RSF1: variants seen among roughly 807,000 people sequenced by gnomAD.
RSF1 encodes the protein HBV pX-associated protein 8.
RSF1 carries 13 observed loss-of-function variants against 145.2 expected under a neutral mutation model. The ratio of observed to expected loss-of-function variants is 0.09; its 90% CI spans 0.06 to 0.14. The LOEUF is 0.14. Ranked by LOEUF, RSF1 falls within the 10% of genes least tolerant of loss-of-function variation. The probability of loss-of-function intolerance (pLI) is 1.00; values close to 1 mark genes in which losing one functional copy is unlikely to be tolerated. For synonymous variants in RSF1, 577 were observed against 592.6 expected, an observed-to-expected ratio of 0.97 and a Z score of 0.38; for missense variants, 1,517 against 1,718.2, an observed-to-expected ratio of 0.88 and a Z score of 2.07.
At chr11:77,785,590 CA>C (rs202199590) in intron 1 of RSF1, among the ~76,000 whole-genome samples, 12 of 137,556 alleles carry the variant, frequency 8.7e-5, no homozygotes, top group African/African-American at 8.1e-5. Context: ...AACTCCATCT[CA>C]AAAAAAAAAG....
the RSF1 span, among the ~76,000 whole-genome samples, chr11:77,864,186 CAA>C: frequency 6.6e-6 from 1 of 152,152 alleles, no homozygotes; most frequent in Non-Finnish European, 1.5e-5. Flanking sequence ...CTCAGCCTCC[CAA>C]AGTGTTGGGA....
the RSF1 span, chr11:77,869,893 C>T: frequency 7.2e-7 from 1 of 1,390,346 alleles, no homozygotes; most frequent in East Asian, 2.3e-5. Flanking sequence ...ACTTGTCCTT[C>T]TTGGGAGGTC....
intron 5 of RSF1, among the ~76,000 whole-genome samples, chr11:77,721,297 C>T (rs1590849809): frequency 1.3e-5 from 2 of 152,190 alleles, no homozygotes; most frequent in Admixed American, 1.3e-4. Flanking sequence ...GATCCCCCAA[C>T]ACAGCCCAAG....
intron 4 of RSF1, among the ~76,000 whole-genome samples, chr11:77,731,832 A>C (rs925355366): frequency 6.6e-6 from 1 of 152,234 alleles, no homozygotes; most frequent in Non-Finnish European, 1.5e-5. Context: ...AGATGTATGG[A>C]AACACCTGGA....
At chr11:77,725,966 T>C (rs113853953) in intron 4 of RSF1, among the ~76,000 whole-genome samples, 4 of 152,198 alleles carry the variant, frequency 2.6e-5, no homozygotes, top group South Asian at 4.1e-4. Flanking sequence ...AAAAGAAAAG[T>C]AGGAACAAAA....
At chr11:77,699,219 G>C (rs1960354189) in intron 6 of RSF1, among the ~76,000 whole-genome samples, 1 of 152,082 alleles carries the variant, frequency 6.6e-6, no homozygotes. Flanking sequence ...CTGTATTAGA[G>C]ATAAATTTTA....
chr11:77,794,957 TA>T (rs1948556712), intron 1 of RSF1, among the ~76,000 whole-genome samples: 1 of 152,250 alleles, frequency 6.6e-6, no homozygotes, highest in Admixed American at 6.5e-5. Context: ...TAGAAAAACC[TA>T]AAGATTTTAC....
chr11:77,748,483 T>C (rs1426375434), intron 2 of RSF1, among the ~76,000 whole-genome samples: 2 of 152,042 alleles, frequency 1.3e-5, no homozygotes, highest in Non-Finnish European at 2.9e-5. Context: ...GAGTTTCCCA[T>C]TCCCTAGAAT....
At chr11:77,728,422 T>G (rs1961110077) in intron 4 of RSF1, among the ~76,000 whole-genome samples, 1 of 151,574 alleles carries the variant, frequency 6.6e-6, no homozygotes, top group Admixed American at 6.6e-5. Flanking sequence ...ACACCTGTAA[T>G]CCCAGCACTT....
At chr11:77,804,804 G>A (rs951300846) in intron 1 of RSF1, among the ~76,000 whole-genome samples, 4 of 152,110 alleles carry the variant, frequency 2.6e-5, no homozygotes, top group Admixed American at 2.0e-4. Flanking sequence ...TACTCCAGCC[G>A]GGGTAACAGA....
chr11:77,693,709 C>T (rs556110418), intron 7 of RSF1, 98 bp from the exon 8 acceptor site: 82 of 583,950 alleles, frequency 1.4e-4, no homozygotes, highest in Non-Finnish European at 2.1e-4. Flanking sequence ...TACTGCAAAG[C>T]ACTCTATTTG....
At chr11:77,870,370 T>A in the RSF1 span, among the ~76,000 whole-genome samples, 17,537 of 143,512 alleles carry the variant, frequency 0.12, 1,259 homozygotes, top group Admixed American at 0.18. Flanking sequence ...CGGAGTCTTG[T>A]TCTGTCGCCC....
At chr11:77,822,414 C>CAAAAAAAA (rs66463325), upstream of RSF1, among the ~76,000 whole-genome samples, 3 of 74,770 alleles carry the variant, frequency 4.0e-5, no homozygotes, top group East Asian at 3.6e-4. Flanking sequence ...GACTCCACCT[C>CAAAAAAAA]AAAAAAAAAA....
At chr11:77,809,504 G>A (rs1379919637) in intron 1 of RSF1, among the ~76,000 whole-genome samples, 2 of 152,096 alleles carry the variant, frequency 1.3e-5, no homozygotes, top group African/African-American at 2.4e-5. Context: ...ATACAACTAG[G>A]TAATAATAGA....
chr11:77,698,415 A>G, intron 7 of RSF1, 72 bp downstream of exon 7: 1 of 1,200,698 alleles, frequency 8.3e-7, no homozygotes, highest in Non-Finnish European at 1.2e-6. Context: ...AAAACCCAGA[A>G]GAGTTAGGCT....
At chr11:77,761,373 T>C (rs1948170065) in intron 2 of RSF1, among the ~76,000 whole-genome samples, 1 of 152,196 alleles carries the variant, frequency 6.6e-6, no homozygotes, top group South Asian at 2.1e-4. Context: ...CATTCAATGT[T>C]ACAGTATTTC....
intron 15 of RSF1, among the ~76,000 whole-genome samples, chr11:77,671,267 A>G (rs1204816731): frequency 6.8e-6 from 1 of 147,718 alleles, no homozygotes; most frequent in Non-Finnish European, 1.5e-5. Flanking sequence ...TAAGAAATTC[A>G]TATTTTAGAG....
chr11:77,713,094 G>A (rs995243730), intron 5 of RSF1, among the ~76,000 whole-genome samples: 7 of 152,084 alleles, frequency 4.6e-5, no homozygotes, highest in African/African-American at 1.7e-4. Context: ...GGGTGTCACT[G>A]CTCTTAGATT....
At chr11:77,738,492 G>C (rs188757947) in intron 4 of RSF1, among the ~76,000 whole-genome samples, 7 of 152,080 alleles carry the variant, frequency 4.6e-5, no homozygotes, top group Admixed American at 3.3e-4. Flanking sequence ...TTATGTAAAG[G>C]GCTTAAGCAT....
Sources: gnomAD v4.1 joint callset for allele counts (sites outside exome capture counted in the v4.1 genomes callset) on GRCh38, gnomAD v4.1.1 for gene constraint, MANE v1.5 for transcripts, NCBI Gene and HGNC (gene_info 2026-07-23, HGNC 2026-07-21) for gene names.